Variants in PRKCE observed in about 807,000 individuals in gnomAD.
The protein encoded by PRKCE is protein kinase C epsilon type.
In PRKCE, 16 loss-of-function variants were observed where a neutral mutation model predicts 85.4. The observed-to-expected ratio is 0.19, with a 90% CI of 0.13 to 0.28. The LOEUF is 0.28. PRKCE is among the 10% of genes least tolerant of loss of function. The pLI is 1.00. For missense variants in PRKCE, 573 were observed against 975.2 expected (o/e 0.59, Z 5.49); for synonymous variants, 388 against 371.5 (o/e 1.04, Z -0.51).
chr2:46,043,417 T>C (rs552593619), intron 10 of PRKCE, among the ~76,000 whole-genome samples: 41 of 152,374 alleles, frequency 2.7e-4, no homozygotes, highest in African/African-American at 9.4e-4. Flanking sequence ...ATTTCAATTT[T>C]TTTTAAGTAA....
chr2:45,796,492 T>A (rs139431761), intron 1 of PRKCE, among the ~76,000 whole-genome samples: 85 of 152,314 alleles, frequency 5.6e-4, no homozygotes, highest in African/African-American at 2.0e-3. Context: ...CTTATGATGA[T>A]TTCACTGAAA....
rs78053915 is a variant in PRKCE at position 45,858,255 on chromosome 2, A to G, written c.412+15192A>G. ...CCTGGCTCTGCCTGGAGAAGAACCT[A>G]TTTTGCTTTTATTTTTAATTTTTTT... is the stretch of plus-strand genomic sequence containing the variant. On this transcript the variant is annotated intron_variant, in intron 2 of 14. Coordinates refer to ENST00000306156, the MANE Select transcript of PRKCE (RefSeq NM_005400.3). Among the ~76,000 whole-genome samples, 33 of 152,238 alleles carry G rather than the reference A, an allele frequency of 2.2e-4. No individual in the cohort carries two copies. In the East Asian group the frequency reaches 5.8e-3, roughly 27 times the overall value.
At chr2:45,737,107 G>A (rs545953728) in intron 1 of PRKCE, among the ~76,000 whole-genome samples, 2 of 152,322 alleles carry the variant, frequency 1.3e-5, no homozygotes, top group South Asian at 2.1e-4. Context: ...GCAGCATGGG[G>A]TTGGGGGCTG....
At chr2:45,719,437 T>C (rs532587936) in intron 1 of PRKCE, among the ~76,000 whole-genome samples, 26 of 152,306 alleles carry the variant, frequency 1.7e-4, no homozygotes, top group African/African-American at 6.0e-4. Flanking sequence ...CATCCTTTGG[T>C]TTATATTCCC....
chr2:45,811,906 C>G (rs1227988728), intron 1 of PRKCE, among the ~76,000 whole-genome samples: 1 of 152,102 alleles, frequency 6.6e-6, no homozygotes, highest in Non-Finnish European at 1.5e-5. Flanking sequence ...TACCTCCATG[C>G]GTACACACAG....
intron 2 of PRKCE, among the ~76,000 whole-genome samples, chr2:45,866,598 C>G (rs541103578): frequency 6.6e-6 from 1 of 152,250 alleles, no homozygotes; most frequent in Non-Finnish European, 1.5e-5. Context: ...TGAGCCACCA[C>G]GCCCTGCCTG....
intron 1 of PRKCE, among the ~76,000 whole-genome samples, chr2:45,770,410 G>T (rs554236265): frequency 6.6e-6 from 1 of 152,138 alleles, no homozygotes; most frequent in South Asian, 2.1e-4. Flanking sequence ...TCATGTTCAC[G>T]TAGACTGTAA....
chr2:45,793,245 A>G (rs1318030512), intron 1 of PRKCE, among the ~76,000 whole-genome samples: 3 of 152,196 alleles, frequency 2.0e-5, no homozygotes, highest in African/African-American at 7.2e-5. Context: ...ATTTGGGCGA[A>G]TGGGGAAAAT....
rs1708203706 is a variant in PRKCE, at chr2:46,041,350, C to G, written c.1437+30833C>G. ...TCCTTCCATAAGTCAATATCTGATG[C>G]TTTGATTTTCTTAAGTCATGTATAT... On this transcript the variant is annotated intron_variant, in intron 10 of 14. Coordinates refer to ENST00000306156, the MANE Select transcript of PRKCE (RefSeq NM_005400.3). The surrounding 1 kb of genome is among the most constrained non-coding windows in gnomAD (Gnocchi z 5.5). Among the ~76,000 whole-genome samples, 1 of 152,158 alleles carries G rather than the reference C, an allele frequency of 6.6e-6. No individual in the cohort carries two copies. The highest frequency in any genetic ancestry group is 2.4e-5 in the African/African-American group (1 of 41,432).
intron 1 of PRKCE, among the ~76,000 whole-genome samples, chr2:45,809,722 A>G (rs1310851422): frequency 6.6e-6 from 1 of 151,676 alleles, no homozygotes; most frequent in Non-Finnish European, 1.5e-5. Flanking sequence ...TGTCTCAAAA[A>G]AAAAAAAATT....
intron 10 of PRKCE, among the ~76,000 whole-genome samples, chr2:46,083,075 C>G (rs1242319808): frequency 1.6e-4 from 25 of 152,188 alleles, no homozygotes; most frequent in Admixed American, 1.6e-3. Context: ...CCTCAGCCTC[C>G]TGAGTAGCTG....
chr2:46,120,712 T>A (rs935364838), intron 11 of PRKCE, among the ~76,000 whole-genome samples: 2 of 152,196 alleles, frequency 1.3e-5, no homozygotes, highest in African/African-American at 4.8e-5. Flanking sequence ...TCATTTCACT[T>A]CCTTTCTCTA....
At chr2:45,816,047 C>G (rs1010581282) in intron 1 of PRKCE, among the ~76,000 whole-genome samples, 1 of 152,190 alleles carries the variant, frequency 6.6e-6, no homozygotes, top group African/African-American at 2.4e-5. Context: ...TCTCATTTAA[C>G]CATTTTCTCT....
At chr2:45,972,586 A>G (rs1702179389) in intron 2 of PRKCE, among the ~76,000 whole-genome samples, 1 of 152,184 alleles carries the variant, frequency 6.6e-6, no homozygotes, top group South Asian at 2.1e-4. Context: ...TAGGAGCTTT[A>G]TGGTTTCAGT....
intron 2 of PRKCE, among the ~76,000 whole-genome samples, chr2:45,862,815 C>T (rs1231822462): frequency 6.6e-6 from 1 of 152,186 alleles, no homozygotes; most frequent in Non-Finnish European, 1.5e-5. Context: ...CAAATGTGTA[C>T]ACACATGCAC....
intron 10 of PRKCE, among the ~76,000 whole-genome samples, chr2:46,064,218 G>A (rs185073340): frequency 1.5e-4 from 22 of 149,588 alleles, no homozygotes; most frequent in African/African-American, 5.4e-4. Flanking sequence ...GGAGGTGGAG[G>A]TTGAAGTGAG....
At chr2:46,098,233 C>T (rs1410944615) in intron 11 of PRKCE, among the ~76,000 whole-genome samples, 1 of 152,256 alleles carries the variant, frequency 6.6e-6, no homozygotes, top group East Asian at 1.9e-4. Flanking sequence ...CTAACCCTGC[C>T]TCTGCGCTCA....
intron 6 of PRKCE, among the ~76,000 whole-genome samples, chr2:46,000,001 A>G (rs1318670253): frequency 6.6e-6 from 1 of 152,180 alleles, no homozygotes. Context: ...TTGTTCTTAC[A>G]TGCTGTGTAC....
At chr2:45,972,037 G>A (rs1032019317) in intron 2 of PRKCE, among the ~76,000 whole-genome samples, 1 of 152,146 alleles carries the variant, frequency 6.6e-6, no homozygotes, top group Non-Finnish European at 1.5e-5. Context: ...AAGAAACCTC[G>A]ATACTGTTTC....
Sources: allele counts gnomAD v4.1 joint callset (sites outside exome capture counted in the v4.1 genomes callset), GRCh38; gene constraint gnomAD v4.1.1; non-coding constraint Gnocchi (gnomAD v3.1); transcripts MANE v1.5; gene names NCBI Gene and HGNC (gene_info 2026-07-23, HGNC 2026-07-21).